Variants in SEMA6D observed in about 807,000 individuals in gnomAD.
The protein encoded by SEMA6D is semaphorin 6D.
SEMA6D carries 35 observed loss-of-function variants against 106.6 expected under a neutral mutation model. The ratio of observed to expected loss-of-function variants is 0.33; its 90% CI spans 0.25 to 0.44. SEMA6D has a LOEUF of 0.44. Among genes scored for constraint, SEMA6D ranks in the 20% least tolerant of loss-of-function variants. The pLI is 1.00. For synonymous variants in SEMA6D, 499 were observed against 487.7 expected (o/e 1.02, Z -0.31); for missense variants, 1,185 against 1,345.9 (o/e 0.88, Z 1.87).
At chr15:47,705,004 G>A (rs1289513657) in intron 4 of SEMA6D, among the ~76,000 whole-genome samples, 1 of 152,046 alleles carries the variant, frequency 6.6e-6, no homozygotes, top group Non-Finnish European at 1.5e-5. Context: ...TTTCTGGTAA[G>A]CATCTTTGTG....
At chr15:47,213,969 GA>G (rs1271132591) in intron 1 of SEMA6D, among the ~76,000 whole-genome samples, 1 of 152,104 alleles carries the variant, frequency 6.6e-6, no homozygotes, top group African/African-American at 2.4e-5. Flanking sequence ...ACTTGAATGA[GA>G]AAGGTGATGT....
intron 4 of SEMA6D, among the ~76,000 whole-genome samples, chr15:47,686,123 G>A (rs1003176667): frequency 1.3e-5 from 2 of 152,052 alleles, no homozygotes; most frequent in South Asian, 2.1e-4. Flanking sequence ...CTGTGCAGTG[G>A]CAACATATAT....
rs775063808 is a variant in SEMA6D, at chr15:47,766,029, C to T, written c.1568+20C>T. The T allele has an allele frequency of 8.1e-6, 13 of 1,605,306 alleles. No individual in the cohort carries two copies. Among genetic ancestry groups the T allele is most frequent in the Admixed American group, 1.7e-5 (1 of 59,254 alleles). On this transcript the variant is annotated intron_variant, in intron 14 of 18. Transcript: ENST00000536845. ...TAAAAAGTAAGCTCGTGTTTCTTTA[C>T]TTACCCTGGGTCTTGCAGTATCGAA...
At chr15:47,498,258 T>C (rs1388090571) in intron 3 of SEMA6D, among the ~76,000 whole-genome samples, 1 of 152,144 alleles carries the variant, frequency 6.6e-6, no homozygotes, top group African/African-American at 2.4e-5. Flanking sequence ...AGGTTTTCAC[T>C]TAGCAATGGG....
chr15:47,720,256 C>A (rs1030412822), intron 1 of SEMA6D, among the ~76,000 whole-genome samples: 1 of 145,038 alleles, frequency 6.9e-6, no homozygotes, highest in Non-Finnish European at 1.5e-5. Context: ...ATATCAATAA[C>A]CTTTCTTTTT....
rs533348394 is a variant in SEMA6D, at chr15:47,368,415, CTT to C, written c.-238-43975_-238-43974del. Among the ~76,000 whole-genome samples the C allele has an allele frequency of 3.6e-3, 546 of 152,354 alleles. 5 individuals are homozygous for C. Among genetic ancestry groups the C allele is most frequent in the African/African-American group, 0.012 (517 of 41,594 alleles). On this transcript the variant is annotated intron_variant, in intron 1 of 19. Coordinates refer to the SEMA6D transcript ENST00000558014. ...CCCACTCCACACAATCCAGGCCACT[CTT>C]TTGGATATCTTTTGCCTTTTCACAG...
At chr15:47,354,611 A>G (rs1252735555) in intron 1 of SEMA6D, among the ~76,000 whole-genome samples, 1 of 151,658 alleles carries the variant, frequency 6.6e-6, no homozygotes, top group African/African-American at 2.4e-5. Context: ...ACACATATGT[A>G]CATATATACA....
intron 4 of SEMA6D, among the ~76,000 whole-genome samples, chr15:47,651,258 G>A (rs779633864): frequency 3.3e-5 from 5 of 151,928 alleles, no homozygotes; most frequent in Non-Finnish European, 5.9e-5. Context: ...AAATAAATTA[G>A]CCAGGCATAG....
chr15:47,635,374 A>G (rs952891545), intron 4 of SEMA6D, among the ~76,000 whole-genome samples: 11 of 152,258 alleles, frequency 7.2e-5, no homozygotes, highest in Admixed American at 6.5e-4. Context: ...GTACTGGCAG[A>G]TAAGGGAGGC....
chr15:47,672,879 T>C (rs770627225), intron 4 of SEMA6D, among the ~76,000 whole-genome samples: 1 of 152,244 alleles, frequency 6.6e-6, no homozygotes, highest in African/African-American at 2.4e-5. Context: ...ACTTAAATGA[T>C]ATTTGGAAAT....
chr15:47,263,692 C>T (rs747094903), intron 1 of SEMA6D, among the ~76,000 whole-genome samples: 2 of 151,810 alleles, frequency 1.3e-5, no homozygotes, highest in Non-Finnish European at 2.9e-5. Context: ...TGACTATCTT[C>T]CACAATGGTC....
intron 1 of SEMA6D, among the ~76,000 whole-genome samples, chr15:47,727,742 C>T (rs138226689): frequency 1.3e-5 from 2 of 151,324 alleles, no homozygotes; most frequent in African/African-American, 2.4e-5. Flanking sequence ...TTCTGCTGAC[C>T]GGCCTATATC....
chr15:47,244,341 CGAA>C (rs1474334541), intron 1 of SEMA6D, among the ~76,000 whole-genome samples: 3 of 152,034 alleles, frequency 2.0e-5, no homozygotes, highest in Non-Finnish European at 2.9e-5. Flanking sequence ...TCATCATCTG[CGAA>C]GAAGAATATC....
chr15:47,467,847 A>G (rs148382942), intron 2 of SEMA6D, among the ~76,000 whole-genome samples: 1 of 152,292 alleles, frequency 6.6e-6, no homozygotes, highest in Non-Finnish European at 1.5e-5. Context: ...CAGAAAGAAG[A>G]CCAGTTTGAA....
intron 4 of SEMA6D, among the ~76,000 whole-genome samples, chr15:47,641,323 TG>T (rs2077485450): frequency 6.6e-6 from 1 of 152,116 alleles, no homozygotes; most frequent in Non-Finnish European, 1.5e-5. Flanking sequence ...GAGAACTGAG[TG>T]TGTTGGCAAA....
At chr15:47,445,306 G>A (rs900735552) in intron 2 of SEMA6D, among the ~76,000 whole-genome samples, 15 of 152,126 alleles carry the variant, frequency 9.9e-5, no homozygotes, top group South Asian at 2.1e-4. Flanking sequence ...GACCTCTGCC[G>A]GGGAACCACC....
intron 1 of SEMA6D, among the ~76,000 whole-genome samples, chr15:47,294,710 C>A (rs375684934): frequency 6.6e-6 from 1 of 152,102 alleles, no homozygotes; most frequent in Admixed American, 6.6e-5. Context: ...CCTCTGGGTC[C>A]CTTCCTGCAG....
chr15:47,454,867 G>C (rs1433218846), intron 2 of SEMA6D, among the ~76,000 whole-genome samples: 1 of 151,850 alleles, frequency 6.6e-6, no homozygotes, highest in Admixed American at 6.6e-5. Flanking sequence ...CCCAAGCTCT[G>C]CAGTCAGTGT....
intron 3 of SEMA6D, among the ~76,000 whole-genome samples, chr15:47,485,853 AT>A (rs1474935362): frequency 6.6e-6 from 1 of 152,198 alleles, no homozygotes; most frequent in Admixed American, 6.5e-5. Flanking sequence ...GGAAAATAAT[AT>A]TATTTTTCAA....
Sources: allele counts gnomAD v4.1 joint callset (sites outside exome capture counted in the v4.1 genomes callset), GRCh38; gene constraint gnomAD v4.1.1; transcripts MANE v1.5; gene names NCBI Gene and HGNC (gene_info 2026-07-23, HGNC 2026-07-21).